Variants in MAPK8IP2 observed in about 807,000 individuals in gnomAD.
MAPK8IP2 encodes the protein C-Jun-amino-terminal kinase-interacting protein 2.
Under a neutral mutation model 75.6 loss-of-function variants are expected in MAPK8IP2, and 15 were observed. That is an observed-to-expected ratio of 0.20 (90% CI 0.13 to 0.31). MAPK8IP2 has a LOEUF of 0.31. Ranked by LOEUF, MAPK8IP2 falls within the 10% of genes least tolerant of loss-of-function variation. MAPK8IP2 has a pLI of 1.00. For synonymous variants in MAPK8IP2, 632 were observed against 554.5 expected, an observed-to-expected ratio of 1.14 and a Z score of -1.96; for missense variants, 1,089 against 1,211.2, an observed-to-expected ratio of 0.90 and a Z score of 1.50.
rs1243281575 is a variant in MAPK8IP2 at position 50,604,491 on chromosome 22, G to A, written c.1192G>A (p.Glu398Lys). 3.2e-6 allele frequency: 4 copies of A among 1,249,732 alleles called. No individual in the cohort carries two copies. Among genetic ancestry groups the A allele is most frequent in the Non-Finnish European group, 4.0e-6 (4 of 1,001,096 alleles). 77.4% of individuals were successfully genotyped at this position (1,249,732 alleles called of 1,614,324 possible). ...GGAAQDSQDP[E>K]AAAGPGGVEL... ...GGCCGCCCAGGACTCCCAGGACCCC[G>A]AGGCGGCCGCGGGGCCCGGCGGCGT... Residue 398 changes from glutamate (E) to lysine (K), a missense_variant, in exon 5 of 12, where the codon GAG becomes AAG. This residue lies in a region of MAPK8IP2 where 960 missense variants were observed against 1,009.6 expected (regional missense o/e 0.95). Coordinates refer to ENST00000329492, the MANE Select transcript of MAPK8IP2 (RefSeq NM_012324.6).
Position 50,605,636 on chromosome 22 carries a change from A to T in MAPK8IP2, c.1916A>T (p.Asp639Val), listed in dbSNP as rs1475115343. 1.9e-6 allele frequency: 3 copies of T among 1,611,850 alleles called. No homozygotes were observed. Among genetic ancestry groups the T allele is most frequent in the African/African-American group, 1.3e-5 (1 of 74,864 alleles). ...GTGTTGGTGGAGGCCGAGGAGGACG[A>T]CTTCTGGTTCCGTGGCTTCAACATG... ...DPVLVEAEED[D>V]FWFRGFNMRT... The change falls in exon 7 of 12, where the codon GAC (aspartate) becomes GTC (valine). Residue 639 changes from aspartate to valine, a missense_variant. Asp to Val is a radical substitution (Grantham distance 152). Around this residue, in one of 2 missense-constraint regions of MAPK8IP2, gnomAD observed 960 missense variants for 1,009.6 expected, o/e 0.95. Coordinates refer to ENST00000329492, the MANE Select transcript of MAPK8IP2 (RefSeq NM_012324.6).
Position 50,604,016 on chromosome 22 carries a change from C to G in MAPK8IP2, c.717C>G (p.Gly239=). 6.4e-7 allele frequency: 1 copy of G among 1,553,672 alleles called. No individual in the cohort carries two copies. The highest frequency in any genetic ancestry group is 8.6e-7 in the Non-Finnish European group (1 of 1,158,036). The change falls in exon 5 of 12, where the codon GGC becomes GGG. Residue 239 remains glycine, a synonymous_variant. Coordinates refer to ENST00000329492, the MANE Select transcript of MAPK8IP2 (RefSeq NM_012324.6). ...ACCTGAGAAGCCGCTCGAGCGGCGG[C>G]CGCGGGGGACGTCGCAGCAGCCAGG... ...EADLRSRSSG[G]RGGRRSSQEL... is the part of the protein sequence containing the mutation.
At position 50,613,781 on chromosome 22, in the gene MAPK8IP2, C is replaced by T. The variant is rs759158519; in HGVS notation, c.*3002C>T. 2.0e-5 allele frequency: 3 copies of T among 152,264 alleles called. No homozygotes were observed. Among genetic ancestry groups the T allele is most frequent in the Admixed American group, 6.5e-5 (1 of 15,286 alleles). The allele number at this position is 152,264 out of a possible 1,614,324, so 9.4% of individuals were successfully genotyped here. ...TGTGGGCGCTCCCGGGCCCTGGTCT[C>T]GGGCCTTCTGAGGACTTGCTCTCCT... On this transcript the variant is annotated 3_prime_UTR_variant, in exon 12 of 12. Coordinates refer to ENST00000329492, the MANE Select transcript of MAPK8IP2 (RefSeq NM_012324.6).
chr22:50,606,632 C>T (rs775349811), intron 8 of MAPK8IP2, 26 bp from the exon 9 acceptor site: 18 of 1,534,758 alleles, frequency 1.2e-5, no homozygotes, highest in Admixed American at 1.9e-5. Flanking sequence ...CCTCAAGACC[C>T]TCTTCTCCCC....
intron 1 of MAPK8IP2, chr22:50,601,454 T>TGTGATGGG: frequency 4.0e-6 from 1 of 252,828 alleles, no homozygotes; most frequent in East Asian, 8.0e-5. Context: ...CGCTGCCGCG[T>TGTGATGGG]TGCAGCTCCC....
rs752091449 is a variant in MAPK8IP2, at chr22:50,605,956, G to T, written c.2124+22G>T. ...GAAGGTCAGTGTGGAGGCCGGGCAA[G>T]TGCAGGCTGAGGGTCCGCTTGGCGG... On this transcript the variant is annotated intron_variant, in intron 8 of 11. Coordinates refer to ENST00000329492, the MANE Select transcript of MAPK8IP2 (RefSeq NM_012324.6). 7 of 1,539,260 alleles carry T rather than the reference G, an allele frequency of 4.5e-6. No homozygotes were observed. In the South Asian group the frequency reaches 7.1e-5, roughly 16 times the overall value.
intron 2 of MAPK8IP2, among the ~76,000 whole-genome samples, chr22:50,602,602 A>G (rs2070956495): frequency 6.6e-6 from 1 of 152,198 alleles, no homozygotes; most frequent in Non-Finnish European, 1.5e-5. Flanking sequence ...GGAAATGTCA[A>G]CCATGCCCTG....
intron 1 of MAPK8IP2, chr22:50,601,159 G>A (rs902817375): frequency 6.4e-6 from 1 of 157,424 alleles, no homozygotes; most frequent in Non-Finnish European, 1.4e-5. Context: ...CCTGTCAAGG[G>A]TGGAGGCCCT....
At chr22:50,601,730 C>A in intron 1 of MAPK8IP2, 59 bp from the exon 2 acceptor site, 1 of 1,350,444 alleles carries the variant, frequency 7.4e-7, no homozygotes, top group Non-Finnish European at 1.1e-6. Flanking sequence ...CTCCTCAGGG[C>A]CAGTTGCCAG....
rs41282359 is a variant in MAPK8IP2, at chr22:50,603,234, C to A, written c.183C>A (p.Ser61=). The part of the protein sequence containing the change: ...DSDHCEKDSL[S]LGRSEQPHPI... ...CCTCCGTCCTGCAGGACAGCCTCTC[C>A]CTGGGGCGCTCGGAGCAGCCGCACC... The change falls in exon 3 of 12, where the codon TCC becomes TCA. Residue 61 remains serine, a synonymous_variant. Coordinates refer to ENST00000329492, the MANE Select transcript of MAPK8IP2 (RefSeq NM_012324.6). 131,024 of 1,610,172 alleles carry A rather than the reference C, an allele frequency of 0.081. 5,814 individuals are homozygous for A. The highest frequency in any genetic ancestry group is 0.09 in the Non-Finnish European group (105,606 of 1,179,058).
chr22:50,602,038 T>A, intron 2 of MAPK8IP2, 144 bp downstream of exon 2: 1 of 653,622 alleles, frequency 1.5e-6, no homozygotes, highest in Non-Finnish European at 2.7e-6. Flanking sequence ...ACTTAACCCT[T>A]GAGGTTTCCT....
At position 50,604,433 on chromosome 22, in the gene MAPK8IP2, C is replaced by T. The variant is rs9616795; in HGVS notation, c.1134C>T (p.Arg378=). 58 of 1,441,790 alleles carry T rather than the reference C, an allele frequency of 4.0e-5. No individual in the cohort carries two copies. Among genetic ancestry groups the T allele is most frequent in the Non-Finnish European group, 5.0e-5 (55 of 1,100,150 alleles). 89.3% of individuals were successfully genotyped at this position (1,441,790 alleles called of 1,614,324 possible). ...CPGQCLSPAP[R]PPGEPVSPAG... is the part of the protein sequence containing the mutation. ...GCCAGTGCCTGTCTCCTGCGCCGCGCCCGCCCGGGGAGCCCGTGTCGCCGG... is the reference window on the plus strand; with the variant it reads ...GCCAGTGCCTGTCTCCTGCGCCGCGTCCGCCCGGGGAGCCCGTGTCGCCGG... Residue 378 remains arginine (R), a synonymous_variant, in exon 5 of 12, where the codon CGC becomes CGT. Transcript: ENST00000329492.
Position 50,610,560 on chromosome 22 carries a change from A to T in MAPK8IP2, c.2403-147A>T. 1 of 728,930 alleles carries T rather than the reference A, an allele frequency of 1.4e-6. No individual in the cohort carries two copies. The allele number at this position is 728,930 out of a possible 1,614,324, so 45.2% of individuals were successfully genotyped here. On this transcript the variant is annotated intron_variant, in intron 11 of 11. Transcript: ENST00000329492. The surrounding 1 kb of genome is among the most constrained non-coding windows in gnomAD (Gnocchi z 4.3). The stretch of plus-strand genomic sequence containing the variant: ...CTGGGCCAGGAGAGCTGAGGGTCAC[A>T]CTTGGGGGTGACATGGCCATGCCTG...
chr22:50,601,977 G>A (rs2070945711), intron 2 of MAPK8IP2, 83 bp downstream of exon 2: 1 of 1,155,302 alleles, frequency 8.7e-7, no homozygotes, highest in Non-Finnish European at 1.3e-6. Flanking sequence ...GGGTTTTAGG[G>A]TGGGTGTGAG....
At chr22:50,600,992 G>A in intron 1 of MAPK8IP2, 109 bp downstream of exon 1, 2 of 248,618 alleles carry the variant, frequency 8.0e-6, no homozygotes, top group Non-Finnish European at 1.3e-5. Context: ...CGCCGCCGGC[G>A]CGGACCCGGC....
chr22:50,601,484 C>T (rs1455567563), intron 1 of MAPK8IP2: 2 of 350,934 alleles, frequency 5.7e-6, no homozygotes, highest in Non-Finnish European at 1.1e-5. Context: ...CTCTGCAAGA[C>T]CCTGACCCCA....
chr22:50,610,635 AG>A lies in MAPK8IP2; in HGVS notation c.2403-70del. 8.1e-7 allele frequency: 1 copy of A among 1,236,328 alleles called. No individual in the cohort carries two copies. The highest frequency in any genetic ancestry group is 2.5e-5 in the East Asian group (1 of 40,408). 76.6% of individuals were successfully genotyped at this position (1,236,328 alleles called of 1,614,324 possible). On this transcript the variant is annotated intron_variant, in intron 11 of 11. Transcript: ENST00000329492. The surrounding 1 kb of genome is among the most constrained non-coding windows in gnomAD (Gnocchi z 4.3). ...GAGGGAGGAAGGAGGGAGAGCTCAG[AG>A]GCTCTGTGGAAGGCAGTTTGGGGGT... is the stretch of plus-strand genomic sequence containing the variant.
chr22:50,604,634 C>G lies in MAPK8IP2; in HGVS notation c.1335C>G (p.Thr445=), dbSNP rs1198856023. 3 of 1,517,422 alleles carry G rather than the reference C, an allele frequency of 2.0e-6. No individual in the cohort carries two copies. In the East Asian group the frequency reaches 7.6e-5, roughly 38 times the overall value. The allele number at this position is 1,517,422 out of a possible 1,614,324, so 94.0% of individuals were successfully genotyped here. ...TCCTCAGCAACCCCACGCGTGACAC[C>G]ATCACGCCGCTGTGGGCCGCGCCCG... ...CLFLSNPTRD[T]ITPLWAAPGR... is the part of the protein sequence containing the mutation. The change falls in exon 5 of 12, where the codon ACC becomes ACG. Residue 445 remains threonine, a synonymous_variant. Transcript: ENST00000329492.
chr22:50,606,752 G>C lies in MAPK8IP2; in HGVS notation c.2219G>C (p.Gly740Ala). 3.2e-6 allele frequency: 5 copies of C among 1,582,658 alleles called. No individual in the cohort carries two copies. Among genetic ancestry groups the C allele is most frequent in the East Asian group, 2.3e-5 (1 of 43,140 alleles). Residue 740 changes from glycine (G) to alanine (A), a missense_variant, in exon 9 of 12, where the codon GGA becomes GCA. Coordinates refer to ENST00000329492, the MANE Select transcript of MAPK8IP2 (RefSeq NM_012324.6). ...SLRGVKLSLS[G>A]GGPEFQRCSH... ...CGGGGGGTCAAGCTGAGTCTGAGCGGAGGAGGGCCCGAGGTGGGAGTGTGG... is the reference window on the plus strand; with the variant it reads ...CGGGGGGTCAAGCTGAGTCTGAGCGCAGGAGGGCCCGAGGTGGGAGTGTGG...
Sources: gnomAD v4.1 joint callset for allele counts (sites outside exome capture counted in the v4.1 genomes callset) on GRCh38, gnomAD v4.1.1 for gene constraint, gnomAD v4.1.1 regional missense constraint, Gnocchi (gnomAD v3.1) non-coding constraint, MANE v1.5 for transcripts, NCBI Gene and HGNC (gene_info 2026-07-23, HGNC 2026-07-21) for gene names.